MYOF: variants seen among roughly 807,000 people sequenced by gnomAD.
The protein encoded by MYOF is myoferlin.
A neutral mutation model predicts 284.2 loss-of-function variants in MYOF; 244 were observed. That is an observed-to-expected ratio of 0.86 (90% CI 0.77 to 0.95). MYOF has a LOEUF of 0.95. Among genes scored for constraint, MYOF ranks in the 40% least tolerant of loss-of-function variants. The pLI, the probability that MYOF is intolerant of heterozygous loss-of-function variation, is 0.00. For missense variants in MYOF, 2,496 were observed against 2,560.6 expected (o/e 0.97, Z 0.54); for synonymous variants, 904 against 919.7 (o/e 0.98, Z 0.31).
At chr10:93,380,271 T>C (rs1296975685) in intron 20 of MYOF, among the ~76,000 whole-genome samples, 1 of 152,194 alleles carries the variant, frequency 6.6e-6, no homozygotes, top group East Asian at 1.9e-4. Context: ...TCAAAGATGG[T>C]TTCTTAACGT....
chr10:93,381,049 T>C (rs762315121), intron 20 of MYOF, among the ~76,000 whole-genome samples, 170 bp downstream of exon 20: 1 of 152,092 alleles, frequency 6.6e-6, no homozygotes, highest in Non-Finnish European at 1.5e-5. Context: ...GTCTGGCCAG[T>C]CTTTAAGGTG....
At chr10:93,325,675 A>C in intron 46 of MYOF, 151 bp downstream of exon 46, 1 of 1,069,028 alleles carries the variant, frequency 9.4e-7, no homozygotes, top group South Asian at 1.6e-5. Context: ...TTACAAAAAA[A>C]TTCCCTTTTG....
intron 29 of MYOF, among the ~76,000 whole-genome samples, chr10:93,357,794 C>A (rs553987697): frequency 6.6e-6 from 1 of 152,116 alleles, no homozygotes; most frequent in Non-Finnish European, 1.5e-5. Context: ...TGATCAAAGC[C>A]TCAGAAATAC....
chr10:93,406,730 G>T (rs1467458503), intron 7 of MYOF, among the ~76,000 whole-genome samples: 1 of 152,020 alleles, frequency 6.6e-6, no homozygotes, highest in Admixed American at 6.6e-5. Context: ...GAGGTTAGAG[G>T]TTAGAGGTGA....
intron 7 of MYOF, among the ~76,000 whole-genome samples, chr10:93,404,424 A>G (rs1484890425): frequency 1.3e-5 from 2 of 152,206 alleles, no homozygotes; most frequent in Non-Finnish European, 2.9e-5. Context: ...TGTTGGAAAA[A>G]GGAGAAAAGG....
chr10:93,434,418 A>G (rs551067402), intron 3 of MYOF, among the ~76,000 whole-genome samples: 25 of 130,402 alleles, frequency 1.9e-4, no homozygotes, highest in African/African-American at 6.2e-4. Flanking sequence ...GCAACAGAGC[A>G]AGACCCTGTC....
chr10:93,381,973 G>A (rs1026057635), intron 19 of MYOF, among the ~76,000 whole-genome samples: 1 of 152,132 alleles, frequency 6.6e-6, no homozygotes, highest in Non-Finnish European at 1.5e-5. Context: ...GGAGGTAGAG[G>A]TTGCAGTGAG....
intron 37 of MYOF, among the ~76,000 whole-genome samples, chr10:93,345,544 A>G (rs1844149908): frequency 6.6e-6 from 1 of 152,152 alleles, no homozygotes; most frequent in Admixed American, 6.5e-5. Flanking sequence ...CTAGACCTGT[A>G]AGCAGTCTCT....
intron 17 of MYOF, among the ~76,000 whole-genome samples, chr10:93,390,914 C>T (rs555653789): frequency 5.3e-5 from 8 of 152,166 alleles, no homozygotes; most frequent in South Asian, 4.1e-4. Context: ...GATGGGCAAG[C>T]CAAAGCCCAC....
At chr10:93,466,992 A>G (rs12254006) in intron 1 of MYOF, among the ~76,000 whole-genome samples, 73,013 of 151,746 alleles carry the variant, frequency 0.48, 18,231 homozygotes, top group South Asian at 0.56. Context: ...AAACAAGCAA[A>G]CAAACAAACA....
chr10:93,349,307 C>A (rs1844390344), intron 36 of MYOF, among the ~76,000 whole-genome samples: 1 of 152,132 alleles, frequency 6.6e-6, no homozygotes, highest in South Asian at 2.1e-4. Flanking sequence ...CCTCAATGGA[C>A]CAAAGAAGGT....
At chr10:93,435,509 T>G (rs1849078614) in intron 3 of MYOF, among the ~76,000 whole-genome samples, 1 of 152,232 alleles carries the variant, frequency 6.6e-6, no homozygotes, top group Non-Finnish European at 1.5e-5. Context: ...CCCACTTTCT[T>G]GAAGTACTTG....
chr10:93,362,315 G>A (rs1845115199), intron 27 of MYOF, among the ~76,000 whole-genome samples: 1 of 151,584 alleles, frequency 6.6e-6, no homozygotes, highest in Non-Finnish European at 1.5e-5. Flanking sequence ...GTGCAATCTC[G>A]AGTCACTGCA....
rs33970988 is a variant in MYOF at position 93,394,448 on chromosome 10, C to CTTTTTTTTTTTTTTTTTTTTTTTTT, written c.1418-1518_1418-1494dup. Among the ~76,000 whole-genome samples, 15 of 28,682 alleles carry CTTTTTTTTTTTTTTTTTTTTTTTTT rather than the reference C, an allele frequency of 5.2e-4. 5 individuals are homozygous for CTTTTTTTTTTTTTTTTTTTTTTTTT. The Admixed American group carries it at 6.0e-3, about 12-fold the overall frequency. The allele number at this position is 28,682 out of a possible 152,430, so 18.8% of individuals were successfully genotyped here. On this transcript the variant is annotated intron_variant, in intron 16 of 53. Transcript: ENST00000359263. Reference sequence around the variant, plus strand: ...ATATCTCCTTTGGTCACCATCTTGTCTTTTTTTTTTTTTTTTTTTTTTTTT... The same window carrying CTTTTTTTTTTTTTTTTTTTTTTTTT: ...ATATCTCCTTTGGTCACCATCTTGTCTTTTTTTTTTTTTTTTTTTTTTTTTTTTTTTTTTTTTTTTTTTTTTTTTT...
intron 24 of MYOF, among the ~76,000 whole-genome samples, chr10:93,372,299 GAGTTCTTA>G (rs779132958): frequency 6.6e-6 from 1 of 152,116 alleles, no homozygotes; most frequent in Non-Finnish European, 1.5e-5. Context: ...TACACACACA[GAGTTCTTA>G]ATACGGGGCC....
chr10:93,326,674 G>C (rs191441763), intron 45 of MYOF, among the ~76,000 whole-genome samples: 217 of 152,334 alleles, frequency 1.4e-3, no homozygotes, highest in African/African-American at 5.0e-3. Context: ...ATCCAGGCTG[G>C]AGTGCAATGG....
chr10:93,322,221 CTT>C (rs1320322040), intron 48 of MYOF, among the ~76,000 whole-genome samples: 3 of 152,154 alleles, frequency 2.0e-5, no homozygotes, highest in Non-Finnish European at 4.4e-5. Context: ...TTTGTTCTCA[CTT>C]TATGAATATA....
At chr10:93,334,975 T>C (rs1178244372) in intron 41 of MYOF, among the ~76,000 whole-genome samples, 1 of 152,184 alleles carries the variant, frequency 6.6e-6, no homozygotes, top group Non-Finnish European at 1.5e-5. Flanking sequence ...TGCCATGACT[T>C]TGCCAAGCGT....
Position 93,335,980 on chromosome 10 carries a change from T to C in MYOF, c.4504A>G (p.Lys1502Glu), listed in dbSNP as rs1353968235. The change falls in exon 41 of 54, where the codon AAG becomes GAG. Residue 1502 changes from lysine to glutamate, a missense_variant. By Grantham distance (56) the Lys-to-Glu change is moderately conservative. Around this residue, in one of 3 missense-constraint regions of MYOF, gnomAD observed 2,436 missense variants for 2,480.7 expected, o/e 0.98. Coordinates refer to ENST00000359263, the MANE Select transcript of MYOF (RefSeq NM_013451.4). ...TCATCCGACTTGCCTCGGTACAACTTGAACGTATCTGAGAAGTCTGTCAGG... is the reference window on the plus strand; with the variant it reads ...TCATCCGACTTGCCTCGGTACAACTCGAACGTATCTGAGAAGTCTGTCAGG... ...EGLTDFSDTF[K>E]LYRGKSDENE... 6.2e-7 allele frequency: 1 copy of C among 1,614,206 alleles called. No individual in the cohort carries two copies. Among genetic ancestry groups the C allele is most frequent in the Admixed American group, 1.7e-5 (1 of 60,028 alleles).
Sources: allele counts gnomAD v4.1 joint callset (sites outside exome capture counted in the v4.1 genomes callset), GRCh38; gene constraint gnomAD v4.1.1; regional missense constraint gnomAD v4.1.1; transcripts MANE v1.5; gene names NCBI Gene and HGNC (gene_info 2026-07-23, HGNC 2026-07-21).